The following SEMA4D variants were observed in gnomAD, a reference collection of about 807,000 sequenced individuals.
SEMA4D encodes the protein semaphorin-4D.
Under a neutral mutation model 74.8 loss-of-function variants are expected in SEMA4D, and 22 were observed. That is an observed-to-expected ratio of 0.29 (90% CI 0.21 to 0.42). The LOEUF is 0.42. Among genes scored for constraint, SEMA4D ranks in the 10% least tolerant of loss-of-function variants. The pLI, the probability that SEMA4D is intolerant of heterozygous loss-of-function variation, is 1.00. For synonymous variants in SEMA4D, 445 were observed against 463.7 expected, an observed-to-expected ratio of 0.96 and a Z score of 0.52; for missense variants, 937 against 1,118.4, an observed-to-expected ratio of 0.84 and a Z score of 2.31.
intron 2 of SEMA4D, among the ~76,000 whole-genome samples, chr9:89,427,937 C>T (rs939533537): frequency 1.3e-5 from 2 of 152,208 alleles, no homozygotes; most frequent in African/African-American, 4.8e-5. Flanking sequence ...TGTTCTGTCT[C>T]TCGTAGGGCC....
chr9:89,377,183 CA>C, downstream of SEMA4D: 10 of 1,365,780 alleles, frequency 7.3e-6, no homozygotes, highest in Non-Finnish European at 9.6e-6. Flanking sequence ...CCGCCTGGGC[CA>C]TGCAGGGGCG....
intron 1 of SEMA4D, chr9:89,479,892 A>AT (rs1234631689): frequency 2.0e-5 from 3 of 152,298 alleles, no homozygotes; most frequent in African/African-American, 7.2e-5. Context: ...CGGGTTGCCA[A>AT]TGCTGGCTCG....
chr9:89,363,490 A>G (rs1259315561), exon 18 of SEMA4D: 3 of 1,614,002 alleles, frequency 1.9e-6, no homozygotes, highest in Admixed American at 1.7e-5. Context: ...CCCTCCAGGC[A>G]GAGAGCTCTC....
chr9:89,419,989 G>C (rs868350379), intron 2 of SEMA4D, among the ~76,000 whole-genome samples: 1 of 152,134 alleles, frequency 6.6e-6, no homozygotes, highest in Non-Finnish European at 1.5e-5. Context: ...CTTTAATAAA[G>C]ACCCAGAACT....
At chr9:89,382,423 A>C (rs955284955) in intron 13 of SEMA4D, among the ~76,000 whole-genome samples, 2 of 152,090 alleles carry the variant, frequency 1.3e-5, no homozygotes, top group Non-Finnish European at 2.9e-5. Flanking sequence ...TCAACTTCAG[A>C]GTGTGGTTGG....
intron 2 of SEMA4D, among the ~76,000 whole-genome samples, chr9:89,438,747 G>T (rs1285968955): frequency 6.8e-6 from 1 of 146,444 alleles, no homozygotes; most frequent in Non-Finnish European, 1.5e-5. Context: ...CTCACTGCAA[G>T]CTCTGCCTCC....
chr9:89,392,360 T>A, intron 8 of SEMA4D, 63 bp downstream of exon 8: 2 of 1,255,230 alleles, frequency 1.6e-6, no homozygotes, highest in Non-Finnish European at 2.3e-6. Flanking sequence ...AAAGGAGAGA[T>A]CAACAGGTGT....
At chr9:89,482,297 A>G (rs1364550074) in intron 1 of SEMA4D, among the ~76,000 whole-genome samples, 1 of 152,198 alleles carries the variant, frequency 6.6e-6, no homozygotes. Flanking sequence ...ACGAGGCCAG[A>G]GTCTCAGACC....
chr9:89,437,838 G>A (rs1850794527), intron 2 of SEMA4D, among the ~76,000 whole-genome samples: 1 of 152,234 alleles, frequency 6.6e-6, no homozygotes, highest in Non-Finnish European at 1.5e-5. Flanking sequence ...CGCAGCTCGG[G>A]ACATAGCCAG....
intron 2 of SEMA4D, among the ~76,000 whole-genome samples, chr9:89,451,249 T>G (rs1291919761): frequency 6.6e-6 from 1 of 152,210 alleles, no homozygotes; most frequent in Admixed American, 6.5e-5. Flanking sequence ...ATTTTTCAGA[T>G]AGTTTTTATT....
At chr9:89,495,334 A>T (rs1357680681) in intron 1 of SEMA4D, among the ~76,000 whole-genome samples, 1 of 152,172 alleles carries the variant, frequency 6.6e-6, no homozygotes, top group Admixed American at 6.5e-5. Flanking sequence ...GATCGCCTTA[A>T]CTAGTGCACC....
intron 2 of SEMA4D, among the ~76,000 whole-genome samples, chr9:89,453,861 T>TC (rs1240439480): frequency 6.7e-6 from 1 of 149,510 alleles, no homozygotes; most frequent in Admixed American, 6.6e-5. Flanking sequence ...ATATGTCTTT[T>TC]TTTTTTTTTT....
At chr9:89,495,530 G>A (rs1416272470) in intron 1 of SEMA4D, among the ~76,000 whole-genome samples, 1 of 152,098 alleles carries the variant, frequency 6.6e-6, no homozygotes, top group African/African-American at 2.4e-5. Context: ...GGGAAGAGAG[G>A]ACCCACCCCA....
chr9:89,437,127 T>C (rs1260546708), intron 2 of SEMA4D, among the ~76,000 whole-genome samples: 1 of 152,180 alleles, frequency 6.6e-6, no homozygotes. Flanking sequence ...CAGACGACCC[T>C]AAAACAGGAA....
At chr9:89,485,493 TA>T (rs1219775603) in intron 1 of SEMA4D, among the ~76,000 whole-genome samples, 1 of 152,130 alleles carries the variant, frequency 6.6e-6, no homozygotes, top group Non-Finnish European at 1.5e-5. Flanking sequence ...TTAAAATCTT[TA>T]AAACATTAAC....
At chr9:89,385,860 G>T (rs993538440) in intron 13 of SEMA4D, 3 of 236,988 alleles carry the variant, frequency 1.3e-5, no homozygotes, top group African/African-American at 2.3e-5. Context: ...AAAGGCCAGC[G>T]TGGATGCCCG....
At chr9:89,469,925 AG>A (rs1403604146) in intron 1 of SEMA4D, among the ~76,000 whole-genome samples, 1 of 152,242 alleles carries the variant, frequency 6.6e-6, no homozygotes, top group East Asian at 1.9e-4. Context: ...AGAAAAAGAA[AG>A]GAAAGGCACA....
chr9:89,385,865 T>TTGGGGGGGGGGGGCG, intron 13 of SEMA4D: 1 of 213,330 alleles, frequency 4.7e-6, no homozygotes, highest in Non-Finnish European at 8.0e-6. Flanking sequence ...CCAGCGTGGA[T>TTGGGGGGGGGGGGCG]GCCCGCCCAC....
In SEMA4D at chr9:89,450,747, G is replaced by A. The variant is rs1854301892; in HGVS notation, c.-244+5141C>T. 24 of 1,342,952 alleles carry A rather than the reference G, an allele frequency of 1.8e-5. No individual in the cohort carries two copies. In the South Asian group the frequency reaches 3.1e-4, roughly 18 times the overall value. 83.2% of individuals were successfully genotyped at this position (1,342,952 alleles called of 1,614,324 possible). ...GAAACATTAGAAGAAAATGAAGCTG[G>A]GGACCAAGGTGGGTCCCATCTCCCC... is the stretch of plus-strand genomic sequence containing the variant. On this transcript the variant is annotated intron_variant, in intron 2 of 15. Transcript: ENST00000422704.
Sources: allele counts gnomAD v4.1 joint callset (sites outside exome capture counted in the v4.1 genomes callset), GRCh38; gene constraint gnomAD v4.1.1; transcripts MANE v1.5; gene names NCBI Gene and HGNC (gene_info 2026-07-23, HGNC 2026-07-21).